EBF2: variants seen among roughly 807,000 people sequenced by gnomAD.
EBF2 encodes the protein transcription factor COE2.
Under a neutral mutation model 72.8 loss-of-function variants are expected in EBF2, and 21 were observed. That is an observed-to-expected ratio of 0.29 (90% CI 0.20 to 0.42). EBF2 has a LOEUF of 0.42. EBF2 is among the 10% of genes least tolerant of loss of function. The probability of loss-of-function intolerance (pLI) is 1.00; values close to 1 mark genes in which losing one functional copy is unlikely to be tolerated. For synonymous variants in EBF2, 299 were observed against 274.2 expected, an observed-to-expected ratio of 1.09 and a Z score of -0.89; for missense variants, 637 against 731.2, an observed-to-expected ratio of 0.87 and a Z score of 1.49.
In EBF2 at chr8:26,044,702, A is replaced by C; in HGVS notation, c.131+27T>G. ...ACAGACCGTAAGAGCGAGAGACAGC[A>C]TAATAATTGCGCGGCCGTGTCGTTA... On this transcript the variant is annotated intron_variant, in intron 1 of 15. Coordinates refer to ENST00000520164, the MANE Select transcript of EBF2 (RefSeq NM_022659.4). The surrounding 1 kb of genome is among the most constrained non-coding windows in gnomAD (Gnocchi z 4.1). The C allele has an allele frequency of 6.2e-7, 1 of 1,612,368 alleles. No homozygotes were observed. The highest frequency in any genetic ancestry group is 8.5e-7 in the Non-Finnish European group (1 of 1,178,860).
intron 6 of EBF2, among the ~76,000 whole-genome samples, chr8:25,972,745 G>A (rs1804210335): frequency 6.6e-6 from 1 of 152,092 alleles, no homozygotes; most frequent in Non-Finnish European, 1.5e-5. Context: ...ACATGAGGGC[G>A]ATGGTGGCCG....
At chr8:26,037,717 G>T (rs1805525841) in intron 5 of EBF2, among the ~76,000 whole-genome samples, 1 of 152,176 alleles carries the variant, frequency 6.6e-6, no homozygotes, top group Admixed American at 6.5e-5. Flanking sequence ...GGGCTCAGGG[G>T]TGGCTGGCAG....
At chr8:26,040,201 C>T in intron 4 of EBF2, 100 bp from the exon 5 acceptor site, 1 of 1,260,240 alleles carries the variant, frequency 7.9e-7, no homozygotes, top group South Asian at 1.3e-5. Context: ...TTCCCTCCCA[C>T]TACCTGCCAC....
intron 6 of EBF2, among the ~76,000 whole-genome samples, chr8:26,013,736 T>A (rs1250967511): frequency 6.6e-6 from 1 of 152,022 alleles, no homozygotes; most frequent in Admixed American, 6.6e-5. Flanking sequence ...GATGACTCCA[T>A]GCTATCTTGT....
chr8:25,850,950 T>G (rs79519659), intron 14 of EBF2, among the ~76,000 whole-genome samples, 189 bp from the exon 15 acceptor site: 2,302 of 152,052 alleles, frequency 0.015, 115 homozygotes, highest in Admixed American at 0.093. Context: ...ATAAAACAAC[T>G]AATATGGTAA....
intron 1 of EBF2, among the ~76,000 whole-genome samples, chr8:26,043,502 G>C (rs1416681787): frequency 2.0e-5 from 3 of 152,208 alleles, no homozygotes; most frequent in African/African-American, 7.2e-5. Flanking sequence ...GCTCGCAGGC[G>C]GGCCAGTCCC....
In EBF2 at chr8:25,843,140, G is replaced by T. The variant is rs17054430; in HGVS notation, c.*1469C>A. The T allele has an allele frequency of 6.6e-6, 1 of 152,202 alleles. No homozygotes were observed. Among genetic ancestry groups the T allele is most frequent in the African/African-American group, 2.4e-5 (1 of 41,538 alleles). The allele number at this position is 152,202 out of a possible 1,614,324, so 9.4% of individuals were successfully genotyped here. A position where few individuals can be genotyped will look rare whatever the true frequency, so the allele number is the denominator to read the frequency against. On this transcript the variant is annotated 3_prime_UTR_variant, in exon 16 of 16. Coordinates refer to ENST00000520164, the MANE Select transcript of EBF2 (RefSeq NM_022659.4). Reference sequence around the variant, plus strand: ...GATGAAGAGCCCATCAAAGGGCTGGGTAACTGTGCTGCATAGAACGCAGAT... The same window carrying T: ...GATGAAGAGCCCATCAAAGGGCTGGTTAACTGTGCTGCATAGAACGCAGAT...
intron 6 of EBF2, among the ~76,000 whole-genome samples, chr8:25,921,668 G>T (rs1803307245): frequency 1.3e-5 from 2 of 152,168 alleles, no homozygotes; most frequent in Admixed American, 1.3e-4. Context: ...AATGTTATCT[G>T]TTTCACGTTT....
rs572030186 is a variant in EBF2 at position 25,852,822 on chromosome 8, CACAATT to C, written c.1529-2067_1529-2062del. 8.2e-4 allele frequency among the ~76,000 whole-genome samples: 125 copies of C among 152,306 alleles called. 2 individuals are homozygous for C. Among genetic ancestry groups the C allele is most frequent in the African/African-American group, 2.9e-3 (120 of 41,574 alleles). On this transcript the variant is annotated intron_variant, in intron 14 of 15. Coordinates refer to ENST00000520164, the MANE Select transcript of EBF2 (RefSeq NM_022659.4). ...ATTTTAATTTGTGCATTTCGGCAAA[CACAATT>C]ACTATGTTTATCTGTTTCATAAAAC...
rs150507542 is a variant in EBF2 at position 25,954,389 on chromosome 8, T to C, written c.552-45834A>G. On this transcript the variant is annotated intron_variant, in intron 6 of 15. Transcript: ENST00000520164. ...TGCCGCTCTGCTCAGCGGCCCCACC[T>C]TCGCGCGCAGGGAGATGAGCCCATT... Among the ~76,000 whole-genome samples the C allele has an allele frequency of 1.8e-3, 272 of 152,306 alleles. 1 individual carries two copies. Among genetic ancestry groups the C allele is most frequent in the Middle Eastern group, 6.8e-3 (2 of 294 alleles).
At chr8:25,861,429 CAA>C in intron 11 of EBF2, 55 bp from the exon 12 acceptor site, 1 of 1,598,928 alleles carries the variant, frequency 6.3e-7, no homozygotes, top group African/African-American at 1.3e-5. Context: ...AGATGGCAAA[CAA>C]AAGAAAATTA....
At chr8:25,945,674 A>C (rs975870785) in intron 6 of EBF2, among the ~76,000 whole-genome samples, 5 of 151,626 alleles carry the variant, frequency 3.3e-5, no homozygotes, top group African/African-American at 1.2e-4. Flanking sequence ...TGATAATGCA[A>C]TCCTTTGAAT....
At chr8:25,918,631 TA>T (rs890878869) in intron 6 of EBF2, among the ~76,000 whole-genome samples, 1 of 151,974 alleles carries the variant, frequency 6.6e-6, no homozygotes, top group Non-Finnish European at 1.5e-5. Context: ...AAGTAAGTGT[TA>T]AAAAAAATCT....
In EBF2 at chr8:25,886,778, G is replaced by T. The variant is rs375086316; in HGVS notation, c.986C>A (p.Ala329Asp). 6.2e-7 allele frequency: 1 copy of T among 1,610,384 alleles called. No homozygotes were observed. Among genetic ancestry groups the T allele is most frequent in the Non-Finnish European group, 8.5e-7 (1 of 1,178,108 alleles). Residue 329 changes from alanine to aspartate, a missense_variant, in exon 10 of 16, where the codon GCC (alanine) becomes GAC (aspartate). Ala to Asp is a moderately radical substitution (Grantham distance 126). Around this residue, in one of 3 missense-constraint regions of EBF2, gnomAD observed 204 missense variants for 301.2 expected, o/e 0.68. Coordinates refer to ENST00000520164, the MANE Select transcript of EBF2 (RefSeq NM_022659.4). ...SYKSKQFCKG[A>D]PGRFIYTALN... ...ACCTGTGTAAATGAACCTTCCTGGG[G>T]CTCCTTTGCAGAACTGTTTAGATTT...
At chr8:25,888,555 A>G (rs1186609007) in intron 8 of EBF2, among the ~76,000 whole-genome samples, 1 of 152,246 alleles carries the variant, frequency 6.6e-6, no homozygotes, top group East Asian at 1.9e-4. Context: ...TAAGATTTAC[A>G]AGGCCTGTTA....
chr8:25,911,355 T>C (rs899593528), intron 6 of EBF2, among the ~76,000 whole-genome samples: 22 of 152,216 alleles, frequency 1.4e-4, no homozygotes, highest in African/African-American at 5.1e-4. Context: ...ACAAAGCTTC[T>C]GATCCCATTC....
chr8:26,004,964 G>A (rs1466977635), intron 6 of EBF2, among the ~76,000 whole-genome samples: 1 of 150,972 alleles, frequency 6.6e-6, no homozygotes, highest in African/African-American at 2.4e-5. Flanking sequence ...TAGAACAGTG[G>A]GATCCATATA....
chr8:25,927,870 G>A (rs143390155), intron 6 of EBF2, among the ~76,000 whole-genome samples: 59 of 152,164 alleles, frequency 3.9e-4, no homozygotes, highest in Non-Finnish European at 7.1e-4. Flanking sequence ...AGAAATCCCC[G>A]ACTTTTCTAC....
chr8:25,866,302 A>AT lies in EBF2; in HGVS notation c.1010-3506dup, dbSNP rs201870558. Among the ~76,000 whole-genome samples, 706 of 151,484 alleles carry AT rather than the reference A, an allele frequency of 4.7e-3. 8 individuals carry two copies. The highest frequency in any genetic ancestry group is 0.016 in the African/African-American group (646 of 41,354). ...GGAATGACATATTATACCACCAAATATGGTGTTGGCTATTTGAGATAGATA... is the reference window on the plus strand; with the variant it reads ...GGAATGACATATTATACCACCAAATATTGGTGTTGGCTATTTGAGATAGATA... On this transcript the variant is annotated intron_variant, in intron 10 of 15. Transcript: ENST00000520164.
Sources: gnomAD v4.1 joint callset for allele counts (sites outside exome capture counted in the v4.1 genomes callset) on GRCh38, gnomAD v4.1.1 for gene constraint, gnomAD v4.1.1 regional missense constraint, Gnocchi (gnomAD v3.1) non-coding constraint, MANE v1.5 for transcripts, NCBI Gene and HGNC (gene_info 2026-07-23, HGNC 2026-07-21) for gene names.